Variants in NTRK2 observed in about 807,000 individuals in gnomAD.
NTRK2 encodes the protein BDNF/NT-3 growth factors receptor.
Under a neutral mutation model 94.5 loss-of-function variants are expected in NTRK2, and 13 were observed. The observed-to-expected ratio is 0.14, with a 90% CI of 0.09 to 0.22. The LOEUF (loss-of-function observed/expected upper bound fraction) is 0.22, where lower values mean the gene tolerates loss of function less well. NTRK2 is among the 10% of genes least tolerant of loss of function. The pLI is 1.00. For synonymous variants in NTRK2, 372 were observed against 407.4 expected, an observed-to-expected ratio of 0.91 and a Z score of 1.05; for missense variants, 639 against 1,071.2, an observed-to-expected ratio of 0.60 and a Z score of 5.63.
chr9:84,936,239 T>C (rs2078209483), intron 15 of NTRK2, among the ~76,000 whole-genome samples: 2 of 152,226 alleles, frequency 1.3e-5, no homozygotes, highest in South Asian at 4.1e-4. Context: ...TCTTGCCCTG[T>C]GCCTACTTCT....
intron 12 of NTRK2, among the ~76,000 whole-genome samples, chr9:84,846,023 G>A (rs1261479729): frequency 6.6e-6 from 1 of 152,010 alleles, no homozygotes; most frequent in South Asian, 2.1e-4. Context: ...TCCCAAAAAT[G>A]GCTCTTATAA....
At chr9:84,671,525 AGAG>A (rs2058696185) in intron 2 of NTRK2, among the ~76,000 whole-genome samples, 1 of 152,222 alleles carries the variant, frequency 6.6e-6, no homozygotes, top group African/African-American at 2.4e-5. Context: ...ATGATCTGTA[AGAG>A]GAGAAGTTCT....
chr9:84,828,588 A>G lies in NTRK2; in HGVS notation c.1397-32452A>G, dbSNP rs914659035. 3.9e-5 allele frequency among the ~76,000 whole-genome samples: 6 copies of G among 152,176 alleles called. No individual in the cohort carries two copies. In the East Asian group the frequency reaches 1.2e-3, roughly 29 times the overall value. The stretch of plus-strand genomic sequence containing the variant: ...GGCCTCATTAGTACAACAACACAAC[A>G]AAGGTGAAATTGTATGCCAAGTGTG... On this transcript the variant is annotated intron_variant, in intron 12 of 18. Transcript: ENST00000277120.
intron 12 of NTRK2, among the ~76,000 whole-genome samples, chr9:84,840,893 G>A (rs1435716264): frequency 3.3e-5 from 5 of 152,038 alleles, no homozygotes; most frequent in Admixed American, 3.3e-4. Context: ...ATCCTACTTG[G>A]CCTGTTGGAG....
intron 6 of NTRK2, among the ~76,000 whole-genome samples, chr9:84,715,162 T>C (rs1401583970): frequency 6.6e-6 from 1 of 152,202 alleles, no homozygotes; most frequent in Non-Finnish European, 1.5e-5. Flanking sequence ...AATTAACAAA[T>C]GCATGAACCA....
chr9:84,822,597 C>T (rs947409575), intron 12 of NTRK2, among the ~76,000 whole-genome samples: 3 of 152,152 alleles, frequency 2.0e-5, no homozygotes, highest in Admixed American at 6.5e-5. Context: ...GCAATGCAAG[C>T]AGGACTGTGG....
rs141930960 is a variant in NTRK2 at position 84,795,937 on chromosome 9, A to T, written c.1396+43852A>T. ...GGTGCTATATAGATGTCACAATGTC[A>T]CTTCAAAGCTGATTACTTTTCTTTT... On this transcript the variant is annotated intron_variant, in intron 12 of 18. Coordinates refer to ENST00000277120, the MANE Select transcript of NTRK2 (RefSeq NM_006180.6). Among the ~76,000 whole-genome samples, 183 of 150,252 alleles carry T rather than the reference A, an allele frequency of 1.2e-3. 1 individual carries two copies. Among genetic ancestry groups the T allele is most frequent in the African/African-American group, 4.4e-3 (182 of 41,024 alleles).
intron 12 of NTRK2, among the ~76,000 whole-genome samples, chr9:84,770,773 G>A (rs2066470838): frequency 6.6e-6 from 1 of 152,130 alleles, no homozygotes; most frequent in African/African-American, 2.4e-5. Flanking sequence ...TAATAATCTT[G>A]CTTTTTAAGG....
At chr9:84,828,816 G>T (rs1301631652) in intron 12 of NTRK2, among the ~76,000 whole-genome samples, 1 of 152,102 alleles carries the variant, frequency 6.6e-6, no homozygotes, top group Non-Finnish European at 1.5e-5. Flanking sequence ...CGATTAAAGG[G>T]GCAGGCAAAT....
intron 14 of NTRK2, chr9:84,876,798 G>A: frequency 1.9e-6 from 2 of 1,061,916 alleles, no homozygotes; most frequent in Non-Finnish European, 2.3e-6. Context: ...TTATTTAGAA[G>A]GCTAGCCTTT....
chr9:84,831,865 G>C (rs2073569011), intron 12 of NTRK2, among the ~76,000 whole-genome samples: 1 of 152,224 alleles, frequency 6.6e-6, no homozygotes, highest in Non-Finnish European at 1.5e-5. Context: ...GACTGGAAGA[G>C]TAGGTTCTGA....
intron 9 of NTRK2, among the ~76,000 whole-genome samples, chr9:84,738,888 C>T (rs1186590467): frequency 6.6e-6 from 1 of 152,154 alleles, no homozygotes; most frequent in African/African-American, 2.4e-5. Context: ...CAGTACTTGT[C>T]ATACATCTGG....
intron 13 of NTRK2, among the ~76,000 whole-genome samples, chr9:84,864,736 C>CTTTTTTTTTT (rs71369154): frequency 1.9e-4 from 20 of 104,594 alleles, no homozygotes; most frequent in Non-Finnish European, 2.6e-4. Flanking sequence ...TCTTAATTTT[C>CTTTTTTTTTT]TTTTTTTTTT....
At chr9:84,773,191 A>G (rs2066721664) in intron 12 of NTRK2, among the ~76,000 whole-genome samples, 1 of 152,230 alleles carries the variant, frequency 6.6e-6, no homozygotes, top group African/African-American at 2.4e-5. Context: ...AATGGACTGT[A>G]AATGCTTGCA....
chr9:84,859,287 A>G (rs2075218977), intron 12 of NTRK2, among the ~76,000 whole-genome samples: 1 of 152,200 alleles, frequency 6.6e-6, no homozygotes, highest in South Asian at 2.1e-4. Flanking sequence ...GGGAAATTGG[A>G]AATTGTGCGT....
At chr9:84,926,113 CCTTCCTTCCTTCCTT>C (rs2077764185) in intron 14 of NTRK2, among the ~76,000 whole-genome samples, 1 of 41,176 alleles carries the variant, frequency 2.4e-5, no homozygotes, top group African/African-American at 7.7e-5. Flanking sequence ...TCCTTTCCTT[CCTTCCTTCCTTCCTT>C]CCTTCCTTCC....
intron 17 of NTRK2, among the ~76,000 whole-genome samples, chr9:84,988,325 T>A (rs531691694): frequency 1.3e-5 from 2 of 152,320 alleles, no homozygotes; most frequent in Admixed American, 1.3e-4. Flanking sequence ...AGTCCTTGAA[T>A]GTTTTTCTAG....
chr9:84,747,684 T>C (rs193217605), intron 11 of NTRK2, among the ~76,000 whole-genome samples: 321 of 152,236 alleles, frequency 2.1e-3, no homozygotes, highest in African/African-American at 7.4e-3. Flanking sequence ...GTTTTCACCA[T>C]GTTAGCCAGG....
intron 17 of NTRK2, among the ~76,000 whole-genome samples, chr9:84,970,615 G>A (rs1826081171): frequency 6.6e-6 from 1 of 152,238 alleles, no homozygotes; most frequent in African/African-American, 2.4e-5. Flanking sequence ...GGGCATGCAC[G>A]CACTGGTGTT....
Sources: allele counts gnomAD v4.1 joint callset (sites outside exome capture counted in the v4.1 genomes callset), GRCh38; gene constraint gnomAD v4.1.1; transcripts MANE v1.5; gene names NCBI Gene and HGNC (gene_info 2026-07-23, HGNC 2026-07-21).